The following CTNNA2 variants were observed in gnomAD, a reference collection of about 807,000 sequenced individuals.
CTNNA2 encodes the protein catenin alpha-2.
In CTNNA2, 42 loss-of-function variants were observed where a neutral mutation model predicts 101.0. The observed-to-expected ratio is 0.42, with a 90% CI of 0.32 to 0.54. The LOEUF is 0.54. CTNNA2 is among the 20% of genes least tolerant of loss of function. The pLI, the probability that CTNNA2 is intolerant of heterozygous loss-of-function variation, is 0.14. For synonymous variants in CTNNA2, 450 were observed against 456.4 expected (o/e 0.99, Z 0.18); for missense variants, 871 against 1,223.1 (o/e 0.71, Z 4.29).
intron 2 of CTNNA2, among the ~76,000 whole-genome samples, chr2:79,248,675 G>C (rs754593257): frequency 1.3e-5 from 2 of 152,152 alleles, no homozygotes; most frequent in Non-Finnish European, 2.9e-5. Flanking sequence ...GACCTTGGCA[G>C]CCCTATGTGA....
intron 7 of CTNNA2, among the ~76,000 whole-genome samples, chr2:80,132,663 C>A (rs1281479896): frequency 6.6e-6 from 1 of 152,118 alleles, no homozygotes; most frequent in African/African-American, 2.4e-5. Context: ...AAGAGCAGAA[C>A]CCCTATAAAT....
chr2:79,626,772 G>A (rs952037781), intron 1 of CTNNA2, among the ~76,000 whole-genome samples: 1 of 151,942 alleles, frequency 6.6e-6, no homozygotes, highest in African/African-American at 2.4e-5. Context: ...TTTAGGTAGC[G>A]AGACAACATG....
chr2:80,013,049 C>T (rs1693894211), intron 7 of CTNNA2, among the ~76,000 whole-genome samples: 2 of 152,044 alleles, frequency 1.3e-5, no homozygotes, highest in Admixed American at 6.6e-5. Context: ...GTCTGTAATC[C>T]TAGCTACTCA....
intron 7 of CTNNA2, among the ~76,000 whole-genome samples, chr2:80,234,722 G>A (rs1397926858): frequency 1.3e-5 from 2 of 152,058 alleles, no homozygotes; most frequent in Non-Finnish European, 2.9e-5. Context: ...GGAAATAAAA[G>A]GAATGAAGAA....
intron 7 of CTNNA2, among the ~76,000 whole-genome samples, chr2:80,088,722 G>T (rs1293859988): frequency 6.6e-6 from 1 of 151,854 alleles, no homozygotes; most frequent in Admixed American, 6.6e-5. Flanking sequence ...GGGAGAAAAA[G>T]AAAGAAAGAA....
chr2:79,785,206 G>C (rs1307163504), intron 3 of CTNNA2, among the ~76,000 whole-genome samples: 1 of 152,076 alleles, frequency 6.6e-6, no homozygotes, highest in Admixed American at 6.5e-5. Flanking sequence ...GTTGCCAATG[G>C]CTCTCCATCT....
At chr2:79,641,737 A>G (rs1405507885) in intron 1 of CTNNA2, among the ~76,000 whole-genome samples, 1 of 152,212 alleles carries the variant, frequency 6.6e-6, no homozygotes, top group Non-Finnish European at 1.5e-5. Flanking sequence ...TTCCAAAATG[A>G]ATTAAAATGA....
chr2:79,940,859 A>G (rs1688109403), intron 7 of CTNNA2, among the ~76,000 whole-genome samples: 1 of 152,238 alleles, frequency 6.6e-6, no homozygotes. Flanking sequence ...AAAGAGAAAC[A>G]GAATGGTTGT....
intron 7 of CTNNA2, among the ~76,000 whole-genome samples, chr2:80,006,817 T>A (rs1693389754): frequency 6.6e-6 from 1 of 152,144 alleles, no homozygotes; most frequent in African/African-American, 2.4e-5. Flanking sequence ...CGCTACCTCC[T>A]TGCCTTCCTT....
intron 4 of CTNNA2, among the ~76,000 whole-genome samples, chr2:79,380,035 T>C (rs1678021711): frequency 6.6e-6 from 1 of 152,190 alleles, no homozygotes; most frequent in African/African-American, 2.4e-5. Flanking sequence ...TTTATAAGGA[T>C]GTGCTGCTGC....
intron 3 of CTNNA2, 125 bp downstream of exon 3, chr2:79,744,707 A>G (rs1440285433): frequency 4.4e-6 from 4 of 908,180 alleles, no homozygotes; most frequent in South Asian, 2.0e-5. Context: ...TTCTATCTAC[A>G]CTTGTCATTT....
At chr2:79,848,641 G>A (rs150821023) in intron 3 of CTNNA2, among the ~76,000 whole-genome samples, 119 of 152,258 alleles carry the variant, frequency 7.8e-4, no homozygotes, top group Non-Finnish European at 1.6e-3. Flanking sequence ...CTCTAACGAT[G>A]TTTAATAGCT....
intron 4 of CTNNA2, among the ~76,000 whole-genome samples, chr2:79,381,742 G>A (rs757072727): frequency 5.3e-5 from 8 of 152,168 alleles, no homozygotes; most frequent in African/African-American, 1.9e-4. Context: ...ATCATTCAAA[G>A]CTCTCTGAGG....
intron 1 of CTNNA2, among the ~76,000 whole-genome samples, chr2:79,621,919 A>G (rs1044937446): frequency 2.0e-5 from 3 of 152,204 alleles, no homozygotes; most frequent in African/African-American, 7.2e-5. Flanking sequence ...AGCATTTTAC[A>G]AAATACCTGA....
At chr2:80,162,305 A>G in intron 7 of CTNNA2, 1 of 794,164 alleles carries the variant, frequency 1.3e-6, no homozygotes, top group Non-Finnish European at 1.9e-6. Flanking sequence ...ATTTTGTATT[A>G]AACTGTAGCT....
At position 80,545,953 on chromosome 2, in the gene CTNNA2, T is replaced by C; in HGVS notation, c.1430T>C (p.Val477Ala). Residue 477 changes from valine to alanine, a missense_variant, in exon 11 of 19, where the codon GTT (valine) becomes GCT (alanine). Coordinates refer to ENST00000402739, the MANE Select transcript of CTNNA2 (RefSeq NM_001282597.3). ...LTLAARPQSKVAQDNMDVFKD... is the reference protein window; with the variant it reads ...LTLAARPQSKAAQDNMDVFKD... ...CTGGCTGCCCGGCCACAGAGCAAAG[T>C]TGCTCAGGATAACATGGACGTCTTC... The C allele has an allele frequency of 6.2e-7, 1 of 1,614,092 alleles. No individual in the cohort carries two copies. Among genetic ancestry groups the C allele is most frequent in the Non-Finnish European group, 8.5e-7 (1 of 1,179,984 alleles).
intron 7 of CTNNA2, among the ~76,000 whole-genome samples, chr2:80,362,960 G>T (rs896486599): frequency 1.4e-5 from 2 of 147,250 alleles, no homozygotes; most frequent in African/African-American, 5.0e-5. Flanking sequence ...AATTACCACT[G>T]CACCATGGCA....
At chr2:80,583,714 T>C (rs957977364) in intron 14 of CTNNA2, among the ~76,000 whole-genome samples, 1 of 152,130 alleles carries the variant, frequency 6.6e-6, no homozygotes, top group Non-Finnish European at 1.5e-5. Flanking sequence ...CAAGGAAGAA[T>C]AGAGTCGCAA....
At chr2:80,567,733 C>T (rs1199649457) in intron 12 of CTNNA2, among the ~76,000 whole-genome samples, 1 of 152,080 alleles carries the variant, frequency 6.6e-6, no homozygotes, top group South Asian at 2.1e-4. Context: ...TTTCCCTAAT[C>T]TTTACCGAAT....
Sources: gnomAD v4.1 joint callset for allele counts (sites outside exome capture counted in the v4.1 genomes callset) on GRCh38, gnomAD v4.1.1 for gene constraint, MANE v1.5 for transcripts, NCBI Gene and HGNC (gene_info 2026-07-23, HGNC 2026-07-21) for gene names.